PPP2R3A: variants seen among roughly 807,000 people sequenced by gnomAD.
The protein encoded by PPP2R3A is protein phosphatase 2 regulatory subunit B''alpha.
A neutral mutation model predicts 106.9 loss-of-function variants in PPP2R3A; 80 were observed. The observed-to-expected ratio is 0.75, with a 90% confidence interval of 0.62 to 0.90. The LOEUF is 0.90. Among genes scored for constraint, PPP2R3A ranks in the 40% least tolerant of loss-of-function variants. PPP2R3A has a pLI of 0.00. For synonymous variants in PPP2R3A, 483 were observed against 468.3 expected, an observed-to-expected ratio of 1.03 and a Z score of -0.41; for missense variants, 1,386 against 1,350.4, an observed-to-expected ratio of 1.03 and a Z score of -0.41.
chr3:136,026,067 A>G lies in PPP2R3A; in HGVS notation c.1996-765A>G, dbSNP rs570137925. On this transcript the variant is annotated intron_variant, in intron 2 of 13. Transcript: ENST00000264977. ...ACTGACCTTTCTAATGTCTCTTTATAGTATGCCACATCAAATCATTTTTTT... is the reference window on the plus strand; with the variant it reads ...ACTGACCTTTCTAATGTCTCTTTATGGTATGCCACATCAAATCATTTTTTT... Among the ~76,000 whole-genome samples, 4 of 152,256 alleles carry G rather than the reference A, an allele frequency of 2.6e-5. No homozygotes were observed. The East Asian group carries it at 7.7e-4, about 29-fold the overall frequency.
intron 2 of PPP2R3A, among the ~76,000 whole-genome samples, chr3:136,016,435 A>G (rs1220723564): frequency 1.3e-5 from 2 of 152,046 alleles, no homozygotes; most frequent in African/African-American, 2.4e-5. Context: ...CCCCACTATT[A>G]TTGTGTTGCT....
At chr3:135,995,329 T>A in intron 1 of PPP2R3A, among the ~76,000 whole-genome samples, 1 of 152,212 alleles carries the variant, frequency 6.6e-6, no homozygotes, top group African/African-American at 2.4e-5. Context: ...CATCTAAGAT[T>A]ATAAAACTCA....
intron 6 of PPP2R3A, among the ~76,000 whole-genome samples, chr3:136,077,134 T>G (rs1220845624): frequency 6.6e-6 from 1 of 152,076 alleles, no homozygotes; most frequent in East Asian, 1.9e-4. Flanking sequence ...TCAGTCCCTG[T>G]CCTGGGGCCT....
intron 8 of PPP2R3A, among the ~76,000 whole-genome samples, chr3:136,086,591 T>C (rs1040539645): frequency 3.3e-5 from 5 of 152,148 alleles, no homozygotes; most frequent in Admixed American, 3.3e-4. Context: ...AAAATGCCTT[T>C]AAAAAAAGAT....
intron 8 of PPP2R3A, among the ~76,000 whole-genome samples, chr3:136,084,707 C>A (rs143031179): frequency 6.6e-6 from 1 of 152,336 alleles, no homozygotes; most frequent in East Asian, 1.9e-4. Flanking sequence ...CAGGGGTGGA[C>A]CTGCCCAAGG....
chr3:136,080,292 G>GT (rs1234426038), intron 7 of PPP2R3A, among the ~76,000 whole-genome samples: 1 of 151,908 alleles, frequency 6.6e-6, no homozygotes, highest in Non-Finnish European at 1.5e-5. Flanking sequence ...TGTCCAAATC[G>GT]TTTTCAGATT....
At chr3:136,032,579 G>A (rs1219556656) in intron 3 of PPP2R3A, among the ~76,000 whole-genome samples, 1 of 150,736 alleles carries the variant, frequency 6.6e-6, no homozygotes, top group Non-Finnish European at 1.5e-5. Flanking sequence ...CCAGGCTGGA[G>A]TGCAGTGGCT....
chr3:136,035,627 C>G (rs980823436), intron 3 of PPP2R3A, among the ~76,000 whole-genome samples: 1 of 152,146 alleles, frequency 6.6e-6, no homozygotes, highest in Non-Finnish European at 1.5e-5. Flanking sequence ...TTTTAGGTTA[C>G]GTAGTACTTT....
chr3:136,096,741 G>A (rs1268572368), intron 10 of PPP2R3A, among the ~76,000 whole-genome samples: 2 of 152,244 alleles, frequency 1.3e-5, no homozygotes, highest in Non-Finnish European at 2.9e-5. Flanking sequence ...GTAGCATACA[G>A]GAGTTTATAT....
intron 13 of PPP2R3A, among the ~76,000 whole-genome samples, chr3:136,129,002 G>A (rs1204531308): frequency 6.6e-6 from 1 of 152,142 alleles, no homozygotes; most frequent in Non-Finnish European, 1.5e-5. Flanking sequence ...CAGAATCTCT[G>A]GGACACATTT....
intron 5 of PPP2R3A, among the ~76,000 whole-genome samples, chr3:136,050,952 T>G (rs752131124): frequency 6.6e-6 from 1 of 152,144 alleles, no homozygotes; most frequent in Non-Finnish European, 1.5e-5. Flanking sequence ...TTTGGCCTAG[T>G]TGACCTTTGT....
At chr3:136,128,067 T>C (rs923476490) in intron 13 of PPP2R3A, among the ~76,000 whole-genome samples, 1 of 152,058 alleles carries the variant, frequency 6.6e-6, no homozygotes, top group Admixed American at 6.6e-5. Flanking sequence ...ACATGCCAAA[T>C]TTTAAAGACC....
chr3:136,010,864 A>T (rs1330584368), intron 2 of PPP2R3A, among the ~76,000 whole-genome samples: 2 of 151,752 alleles, frequency 1.3e-5, no homozygotes, highest in East Asian at 3.9e-4. Flanking sequence ...CTGCTCAATC[A>T]CTCCTTCAGC....
chr3:136,038,294 T>C (rs1935152265), intron 3 of PPP2R3A, among the ~76,000 whole-genome samples: 1 of 152,182 alleles, frequency 6.6e-6, no homozygotes. Flanking sequence ...CCTTTTCCAG[T>C]CTACTTCAGA....
chr3:136,084,889 C>G (rs1936882711), intron 8 of PPP2R3A, among the ~76,000 whole-genome samples: 1 of 152,156 alleles, frequency 6.6e-6, no homozygotes, highest in Non-Finnish European at 1.5e-5. Flanking sequence ...GTGTATTTAC[C>G]CAATGCCTGT....
At chr3:136,032,163 C>T (rs1050664013) in intron 3 of PPP2R3A, among the ~76,000 whole-genome samples, 3 of 152,128 alleles carry the variant, frequency 2.0e-5, no homozygotes, top group Non-Finnish European at 4.4e-5. Flanking sequence ...GGATGTGTTT[C>T]CATTTGTTTG....
At position 136,003,210 on chromosome 3, in the gene PPP2R3A, G is replaced by A. The variant is rs760974215; in HGVS notation, c.1712G>A (p.Cys571Tyr). The A allele has an allele frequency of 1.1e-5, 17 of 1,613,768 alleles. No homozygotes were observed. In the South Asian group the frequency reaches 1.6e-4, roughly 16 times the overall value. The change falls in exon 2 of 14, where the codon TGT becomes TAT. Residue 571 changes from cysteine to tyrosine, a missense_variant. Coordinates refer to ENST00000264977, the MANE Select transcript of PPP2R3A (RefSeq NM_002718.5). ...CCCATAGAAAAAGTCTCACCTTCCTGTCTAACAAGGATTATTGAAACCAAT... is the reference window on the plus strand; with the variant it reads ...CCCATAGAAAAAGTCTCACCTTCCTATCTAACAAGGATTATTGAAACCAAT... ...SSPIEKVSPSCLTRIIETNGH... is the reference protein window; with the variant it reads ...SSPIEKVSPSYLTRIIETNGH...
chr3:136,049,483 G>A, intron 5 of PPP2R3A, 122 bp downstream of exon 5: 2 of 654,868 alleles, frequency 3.1e-6, no homozygotes, highest in Non-Finnish European at 5.1e-6. Flanking sequence ...TTCTAGAAGA[G>A]TGGTTTTCAA....
In PPP2R3A at chr3:136,082,407, GATACA is replaced by G; in HGVS notation, c.2777_2781del (p.Tyr926Ter). ...TACATCAGCCAGGCCGATCTGTCTC[GATACA>G]ATGACCAGGGTAAGTGATTCTGTAG... On this transcript the variant is annotated frameshift_variant, in exon 8 of 14. Coordinates refer to ENST00000264977, the MANE Select transcript of PPP2R3A (RefSeq NM_002718.5). LOFTEE classifies it high-confidence loss of function. 1 of 1,613,636 alleles carries G rather than the reference GATACA, an allele frequency of 6.2e-7. No individual in the cohort carries two copies. The highest frequency in any genetic ancestry group is 8.5e-7 in the Non-Finnish European group (1 of 1,179,708).
Sources: allele counts gnomAD v4.1 joint callset (sites outside exome capture counted in the v4.1 genomes callset), GRCh38; gene constraint gnomAD v4.1.1; transcripts MANE v1.5; gene names NCBI Gene and HGNC (gene_info 2026-07-23, HGNC 2026-07-21).